TASP1: variants seen among roughly 807,000 people sequenced by gnomAD.
TASP1 encodes the protein threonine aspartase 1.
Under a neutral mutation model 56.6 loss-of-function variants are expected in TASP1, and 16 were observed. The observed-to-expected ratio is 0.28, with a 90% confidence interval of 0.19 to 0.43. The LOEUF is 0.43. Ranked by LOEUF, TASP1 falls within the 20% of genes least tolerant of loss-of-function variation. TASP1 has a pLI of 1.00. For synonymous variants in TASP1, 179 were observed against 184.2 expected (o/e 0.97, Z 0.23); for missense variants, 393 against 511.6 (o/e 0.77, Z 2.24).
chr20:13,117,571 T>A, the TASP1 span: 1 of 1,613,770 alleles, frequency 6.2e-7, no homozygotes, highest in Non-Finnish European at 8.5e-7. Context: ...AAGGCTTACC[T>A]CTACATAGAT....
chr20:13,124,326 G>T, the TASP1 span, among the ~76,000 whole-genome samples: 1 of 151,740 alleles, frequency 6.6e-6, no homozygotes, highest in Admixed American at 6.6e-5. Flanking sequence ...AGGGGGAGAA[G>T]AAAAGAGGAA....
intron 11 of TASP1, among the ~76,000 whole-genome samples, chr20:13,446,650 A>C (rs976726532): frequency 6.6e-6 from 1 of 152,080 alleles, no homozygotes; most frequent in African/African-American, 2.4e-5. Context: ...CTTAGCCCTA[A>C]AAAAAATTCT....
At chr20:13,111,202 G>A in the TASP1 span, among the ~76,000 whole-genome samples, 1 of 152,068 alleles carries the variant, frequency 6.6e-6, no homozygotes, top group African/African-American at 2.4e-5. Context: ...GTCCTACTGT[G>A]GGAAATGCAA....
chr20:13,393,717 G>C, intron 13 of TASP1: 4 of 950,418 alleles, frequency 4.2e-6, no homozygotes, highest in South Asian at 2.7e-5. Context: ...GAAAGGAAGA[G>C]AGAGGCCCTC....
At chr20:13,587,608 A>C (rs1249418717) in intron 4 of TASP1, among the ~76,000 whole-genome samples, 2 of 152,132 alleles carry the variant, frequency 1.3e-5, no homozygotes, top group African/African-American at 4.8e-5. Flanking sequence ...AAACAAATCC[A>C]GCAAAATATA....
intron 12 of TASP1, among the ~76,000 whole-genome samples, chr20:13,418,845 A>C (rs149625573): frequency 6.6e-6 from 1 of 152,358 alleles, no homozygotes; most frequent in African/African-American, 2.4e-5. Context: ...CATAACCAGA[A>C]TTGAATGAGG....
chr20:13,339,065 G>T, the TASP1 span, among the ~76,000 whole-genome samples: 1 of 152,176 alleles, frequency 6.6e-6, no homozygotes, highest in East Asian at 1.9e-4. Flanking sequence ...AAATCATCAG[G>T]TATTAAAGGG....
intron 6 of TASP1, among the ~76,000 whole-genome samples, chr20:13,577,993 T>G (rs1262038027): frequency 1.3e-5 from 2 of 152,184 alleles, no homozygotes; most frequent in Non-Finnish European, 1.5e-5. Flanking sequence ...TGTACAAGCC[T>G]TCTCATGAAG....
At chr20:13,256,492 G>A in the TASP1 span, among the ~76,000 whole-genome samples, 1 of 151,960 alleles carries the variant, frequency 6.6e-6, no homozygotes, top group African/African-American at 2.4e-5. Flanking sequence ...CCCCCACCAG[G>A]CAGGTCCAGC....
At chr20:13,172,110 C>A in the TASP1 span, among the ~76,000 whole-genome samples, 3 of 152,016 alleles carry the variant, frequency 2.0e-5, no homozygotes, top group East Asian at 1.9e-4. Flanking sequence ...ACAGGAGGAA[C>A]AATATCCATC....
intron 4 of TASP1, among the ~76,000 whole-genome samples, chr20:13,612,973 T>C (rs1568650986): frequency 6.6e-6 from 1 of 152,178 alleles, no homozygotes; most frequent in Non-Finnish European, 1.5e-5. Context: ...GAGGATGGGT[T>C]TGAAGGATGT....
intron 10 of TASP1, among the ~76,000 whole-genome samples, chr20:13,521,238 T>C (rs2146802418): frequency 2.0e-5 from 3 of 152,218 alleles, no homozygotes; most frequent in Middle Eastern, 3.4e-3. Context: ...GATCTAGAAC[T>C]AGAAATACCA....
chr20:13,371,211 G>C, the TASP1 span, among the ~76,000 whole-genome samples: 1 of 151,802 alleles, frequency 6.6e-6, no homozygotes, highest in Non-Finnish European at 1.5e-5. Context: ...CTTGCTTTGA[G>C]CTTCGTTTGC....
chr20:13,435,150 T>G lies in TASP1; in HGVS notation c.990A>C (p.Ser330=), dbSNP rs1206641833. ...LETMQNKFIS[S]PFLASEDGVL... ...CGCCATCTTCACTGGCAAGGAAAGG[T>G]GAACCTAGGCAGAAAGGACTAGTAG... is the stretch of plus-strand genomic sequence containing the variant. The change falls in exon 12 of 14, where the codon TCA becomes TCC. Residue 330 remains serine, a synonymous_variant. Coordinates refer to ENST00000337743, the MANE Select transcript of TASP1 (RefSeq NM_017714.3). The G allele has an allele frequency of 6.2e-7, 1 of 1,600,890 alleles. No individual in the cohort carries two copies. Among genetic ancestry groups the G allele is most frequent in the South Asian group, 1.1e-5 (1 of 88,490 alleles).
At chr20:13,428,720 T>C (rs1288518413) in intron 12 of TASP1, among the ~76,000 whole-genome samples, 1 of 152,208 alleles carries the variant, frequency 6.6e-6, no homozygotes, top group African/African-American at 2.4e-5. Flanking sequence ...GACTTTCCTC[T>C]GTGATCCCTT....
chr20:13,379,374 C>A, the TASP1 span, among the ~76,000 whole-genome samples: 3 of 152,154 alleles, frequency 2.0e-5, no homozygotes, highest in Non-Finnish European at 4.4e-5. Context: ...GTTGAAAATT[C>A]TTTTCTTTAA....
At chr20:13,468,351 A>T (rs1400734608) in intron 11 of TASP1, among the ~76,000 whole-genome samples, 1 of 137,908 alleles carries the variant, frequency 7.3e-6, no homozygotes, top group African/African-American at 2.7e-5. Context: ...TGTTGATGCT[A>T]ATGAATGGAC....
At chr20:13,492,333 G>C (rs2043563109) in intron 10 of TASP1, among the ~76,000 whole-genome samples, 1 of 152,126 alleles carries the variant, frequency 6.6e-6, no homozygotes, top group African/African-American at 2.4e-5. Flanking sequence ...AATTTAAAAG[G>C]AAACATTTGG....
At chr20:13,522,068 G>A (rs921010889) in intron 10 of TASP1, among the ~76,000 whole-genome samples, 32 of 152,152 alleles carry the variant, frequency 2.1e-4, no homozygotes, top group Non-Finnish European at 5.9e-5. Flanking sequence ...GGGAGTGTGC[G>A]TGGCATGTGT....
Sources: gnomAD v4.1 joint callset for allele counts (sites outside exome capture counted in the v4.1 genomes callset) on GRCh38, gnomAD v4.1.1 for gene constraint, MANE v1.5 for transcripts, NCBI Gene and HGNC (gene_info 2026-07-23, HGNC 2026-07-21) for gene names.